The following AGFG1 variants were observed in gnomAD, a reference collection of about 807,000 sequenced individuals.
The protein encoded by AGFG1 is arf-GAP domain and FG repeat-containing protein 1.
Under a neutral mutation model 60.6 loss-of-function variants are expected in AGFG1, and 10 were observed. The observed-to-expected ratio is 0.16, with a 90% confidence interval of 0.10 to 0.28. The LOEUF is 0.28. AGFG1 is among the 10% of genes least tolerant of loss of function. AGFG1 has a pLI of 1.00. For missense variants in AGFG1, 537 were observed against 676.5 expected (o/e 0.79, Z 2.29); for synonymous variants, 247 against 242.9 (o/e 1.02, Z -0.16).
chr2:227,499,125 A>T (rs1387319537), intron 2 of AGFG1, among the ~76,000 whole-genome samples: 1 of 152,168 alleles, frequency 6.6e-6, no homozygotes, highest in African/African-American at 2.4e-5. Flanking sequence ...TTATCTGTAA[A>T]TTTCAAGGAC....
intron 1 of AGFG1, among the ~76,000 whole-genome samples, chr2:227,483,729 A>G (rs752301373): frequency 7.2e-5 from 11 of 152,134 alleles, no homozygotes; most frequent in Non-Finnish European, 8.8e-5. Context: ...AGGAGTTTCT[A>G]GTTTTTGATA....
chr2:227,553,000 CAAAA>C (rs5839220), intron 11 of AGFG1, among the ~76,000 whole-genome samples: 3 of 92,416 alleles, frequency 3.2e-5, no homozygotes, highest in African/African-American at 9.4e-5. Flanking sequence ...AATTCCATCT[CAAAA>C]AAAAAAAAAA....
intron 2 of AGFG1, among the ~76,000 whole-genome samples, chr2:227,495,848 A>C (rs1690956183): frequency 6.6e-6 from 1 of 152,068 alleles, no homozygotes; most frequent in African/African-American, 2.4e-5. Context: ...CATGCTTGTA[A>C]TCCCAGCTGT....
chr2:227,526,135 A>G (rs1445702283), intron 5 of AGFG1, among the ~76,000 whole-genome samples: 1 of 152,130 alleles, frequency 6.6e-6, no homozygotes, highest in Non-Finnish European at 1.5e-5. Flanking sequence ...CCTTAGTAGT[A>G]CTCAAATTAG....
intron 2 of AGFG1, among the ~76,000 whole-genome samples, chr2:227,509,766 G>C (rs1443824257): frequency 6.6e-6 from 1 of 151,990 alleles, no homozygotes; most frequent in Admixed American, 6.6e-5. Flanking sequence ...ATGTATACAT[G>C]GTGGGGGTGG....
intron 3 of AGFG1, among the ~76,000 whole-genome samples, 187 bp from the exon 4 acceptor site, chr2:227,523,576 T>C (rs1390787236): frequency 2.0e-5 from 3 of 152,154 alleles, no homozygotes; most frequent in African/African-American, 7.2e-5. Context: ...ATTTCAAATA[T>C]TTAATGGGTG....
chr2:227,553,554 C>A, intron 11 of AGFG1, 150 bp from the exon 12 acceptor site: 2 of 534,048 alleles, frequency 3.7e-6, no homozygotes, highest in Non-Finnish European at 6.7e-6. Context: ...TCTTTGGTAT[C>A]TGAAAGAGCT....
At chr2:227,503,978 T>C (rs549871665) in intron 2 of AGFG1, among the ~76,000 whole-genome samples, 1 of 152,154 alleles carries the variant, frequency 6.6e-6, no homozygotes, top group Non-Finnish European at 1.5e-5. Flanking sequence ...TACAGCTTGC[T>C]CTTTGAATAC....
Position 227,533,706 on chromosome 2 carries a change from A to G in AGFG1, c.972A>G (p.Ala324=), listed in dbSNP as rs13015491. 137,701 of 1,613,722 alleles carry G rather than the reference A, an allele frequency of 0.085. 6,426 individuals carry two copies. The highest frequency in any genetic ancestry group is 0.14 in the Admixed American group (8,453 of 59,974). The change falls in exon 7 of 13, where the codon GCA becomes GCG. Residue 324 remains alanine (A), a synonymous_variant. Coordinates refer to ENST00000310078, the MANE Select transcript of AGFG1 (RefSeq NM_004504.5). The part of the protein sequence containing the change: ...VSTNKAGLQT[A]DKYAALANLD... ...CGAACAAAGCTGGTTTACAGACTGC[A>G]GACAAATATGCAGCACTTGCTAATT...
intron 2 of AGFG1, among the ~76,000 whole-genome samples, chr2:227,502,865 AATAT>A (rs1468919885): frequency 1.3e-5 from 2 of 152,118 alleles, no homozygotes; most frequent in African/African-American, 4.8e-5. Flanking sequence ...TTTTTACATG[AATAT>A]ATACACTTCT....
intron 2 of AGFG1, among the ~76,000 whole-genome samples, chr2:227,509,474 A>G (rs999724757): frequency 6.6e-6 from 1 of 152,160 alleles, no homozygotes; most frequent in Admixed American, 6.5e-5. Context: ...AGATCAGATA[A>G]TATAAAATAT....
rs2106142985 is a variant in AGFG1 at position 227,472,321 on chromosome 2, G to A, written c.-101G>A. ...GGCGCGGGCGGCGCGCGCAGACGGA[G>A]GGCGGCGGCCGCGGCCAGGGCGGCC... On this transcript the variant is annotated 5_prime_UTR_variant, in exon 1 of 13. Transcript: ENST00000310078. The A allele has an allele frequency of 1.3e-6, 1 of 776,658 alleles. No individual in the cohort carries two copies. Among genetic ancestry groups the A allele is most frequent in the Non-Finnish European group, 1.6e-6 (1 of 641,392 alleles). The allele number at this position is 776,658 out of a possible 1,614,324, so 48.1% of individuals were successfully genotyped here.
chr2:227,502,383 C>T (rs567977428), intron 2 of AGFG1, among the ~76,000 whole-genome samples: 7 of 152,240 alleles, frequency 4.6e-5, no homozygotes, highest in East Asian at 1.9e-4. Flanking sequence ...TACAGTGACG[C>T]GATCTTGGCT....
At chr2:227,474,339 CAT>C (rs1559161911) in intron 1 of AGFG1, among the ~76,000 whole-genome samples, 1 of 152,110 alleles carries the variant, frequency 6.6e-6, no homozygotes, top group African/African-American at 2.4e-5. Context: ...GGAAAAAATA[CAT>C]ATATTTACAC....
At chr2:227,532,818 G>T (rs1692201852) in intron 6 of AGFG1, among the ~76,000 whole-genome samples, 1 of 152,090 alleles carries the variant, frequency 6.6e-6, no homozygotes, top group South Asian at 2.1e-4. Flanking sequence ...CTTTAAGGAG[G>T]TCTCTATAAT....
rs1308197418 is a variant in AGFG1, at chr2:227,560,286, C to T, written c.*5791C>T. Reference sequence around the variant, plus strand: ...TTGTTATAATGATAATATCCTTATGCATATATGAAGATTACTCTTGATTCT... The same window carrying T: ...TTGTTATAATGATAATATCCTTATGTATATATGAAGATTACTCTTGATTCT... On this transcript the variant is annotated 3_prime_UTR_variant, in exon 13 of 13. Transcript: ENST00000310078. The T allele has an allele frequency of 1.3e-5, 2 of 152,010 alleles. No individual in the cohort carries two copies. The highest frequency in any genetic ancestry group is 4.8e-5 in the African/African-American group (2 of 41,416). 9.4% of individuals were successfully genotyped at this position (152,010 alleles called of 1,614,324 possible).
chr2:227,529,277 C>T (rs963235789), intron 5 of AGFG1, among the ~76,000 whole-genome samples: 12 of 152,114 alleles, frequency 7.9e-5, no homozygotes, highest in Admixed American at 4.6e-4. Context: ...CCTTAGTTTT[C>T]CATATATAGT....
At chr2:227,532,206 C>A in intron 6 of AGFG1, 1 of 1,545,538 alleles carries the variant, frequency 6.5e-7, no homozygotes, top group Non-Finnish European at 8.7e-7. Context: ...TCAGGCTACC[C>A]ACAGTAAGTT....
At chr2:227,490,594 A>G (rs1415354641) in intron 1 of AGFG1, among the ~76,000 whole-genome samples, 1 of 150,932 alleles carries the variant, frequency 6.6e-6, no homozygotes, top group South Asian at 2.1e-4. Flanking sequence ...AAAAAAAAAA[A>G]TTACTGCAGT....
Sources: gnomAD v4.1 joint callset for allele counts (sites outside exome capture counted in the v4.1 genomes callset) on GRCh38, gnomAD v4.1.1 for gene constraint, MANE v1.5 for transcripts, NCBI Gene and HGNC (gene_info 2026-07-23, HGNC 2026-07-21) for gene names.